BNC2: variants seen among roughly 807,000 people sequenced by gnomAD.
BNC2 encodes zinc finger protein basonuclin-2.
In BNC2, 20 loss-of-function variants were observed where a neutral mutation model predicts 76.3. The ratio of observed to expected loss-of-function variants is 0.26; its 90% CI spans 0.18 to 0.38. The LOEUF is 0.38. BNC2 is among the 10% of genes least tolerant of loss of function. The probability of loss-of-function intolerance (pLI) is 1.00; values close to 1 mark genes in which losing one functional copy is unlikely to be tolerated. For synonymous variants in BNC2, 582 were observed against 514.8 expected (o/e 1.13, Z -1.77); for missense variants, 1,382 against 1,399.8 (o/e 0.99, Z 0.20).
intron 6 of BNC2, among the ~76,000 whole-genome samples, chr9:16,427,791 C>A (rs982107733): frequency 6.6e-6 from 1 of 152,172 alleles, no homozygotes; most frequent in Non-Finnish European, 1.5e-5. Context: ...TAAACAGCAT[C>A]TTTACCTACC....
In BNC2 at chr9:16,539,735, AAAGGGAAGGGAAGGG is replaced by A. The variant is rs1280214347; in HGVS notation, c.669+12780_669+12794del. Among the ~76,000 whole-genome samples the A allele has an allele frequency of 6.2e-3, 659 of 105,900 alleles. 40 individuals carry two copies. The highest frequency in any genetic ancestry group is 0.024 in the African/African-American group (629 of 26,354). 69.5% of individuals were successfully genotyped at this position (105,900 alleles called of 152,430 possible). On this transcript the variant is annotated intron_variant, in intron 5 of 6. Transcript: ENST00000380672. Reference sequence around the variant, plus strand: ...GGAAGGAAGGGGAAGGAAAAGAGGGAAAGGGAAGGGAAGGGAAGGAAAGGAAAGGAAAAGAAAGGA... The same window carrying A: ...GGAAGGAAGGGGAAGGAAAAGAGGGAAAGGAAAGGAAAGGAAAAGAAAGGA...
chr9:16,761,944 T>C (rs1191182749), intron 1 of BNC2, among the ~76,000 whole-genome samples: 1 of 152,124 alleles, frequency 6.6e-6, no homozygotes, highest in African/African-American at 2.4e-5. Context: ...AAGTAAAATT[T>C]ATCATGATAC....
chr9:16,660,900 A>T (rs1053048596), intron 3 of BNC2, among the ~76,000 whole-genome samples: 2 of 152,188 alleles, frequency 1.3e-5, no homozygotes, highest in Non-Finnish European at 2.9e-5. Flanking sequence ...ATGGACATAG[A>T]TTATATGCAT....
intron 5 of BNC2, among the ~76,000 whole-genome samples, chr9:16,507,040 C>T (rs576600996): frequency 2.0e-5 from 3 of 152,132 alleles, no homozygotes; most frequent in African/African-American, 4.8e-5. Flanking sequence ...AGGCATGAGC[C>T]ACCAAGCCCA....
At chr9:16,682,548 C>T (rs1421900636) in intron 3 of BNC2, among the ~76,000 whole-genome samples, 2 of 152,044 alleles carry the variant, frequency 1.3e-5, no homozygotes, top group Non-Finnish European at 2.9e-5. Flanking sequence ...AGAGCAGCCA[C>T]AGTTGTTCAT....
intron 5 of BNC2, among the ~76,000 whole-genome samples, chr9:16,480,249 A>G (rs1045581204): frequency 1.9e-4 from 29 of 152,232 alleles, no homozygotes; most frequent in Non-Finnish European, 3.8e-4. Flanking sequence ...TTCTCAGTAC[A>G]CTGCACAGCC....
chr9:16,607,890 G>T (rs373147820), intron 3 of BNC2, among the ~76,000 whole-genome samples: 2 of 152,238 alleles, frequency 1.3e-5, no homozygotes, highest in East Asian at 1.9e-4. Context: ...AAACATTAAT[G>T]TGTGAACACA....
At chr9:16,840,119 C>G (rs1343336461) in intron 1 of BNC2, among the ~76,000 whole-genome samples, 1 of 150,922 alleles carries the variant, frequency 6.6e-6, no homozygotes, top group African/African-American at 2.4e-5. Context: ...AAAGAAGTTA[C>G]AAAGATCAAA....
chr9:16,557,554 A>C (rs148104438), intron 4 of BNC2, among the ~76,000 whole-genome samples: 3 of 152,248 alleles, frequency 2.0e-5, no homozygotes, highest in African/African-American at 7.2e-5. Flanking sequence ...CAGAAGTTGC[A>C]TATACAAAAT....
intron 1 of BNC2, among the ~76,000 whole-genome samples, chr9:16,801,911 A>G (rs1241075103): frequency 1.3e-5 from 2 of 152,294 alleles, no homozygotes; most frequent in South Asian, 2.1e-4. Flanking sequence ...TTATCATTAT[A>G]TAAGTAAAAC....
chr9:16,539,589 G>A (rs1388859537), intron 5 of BNC2, among the ~76,000 whole-genome samples: 32 of 86,482 alleles, frequency 3.7e-4, no homozygotes, highest in Non-Finnish European at 1.3e-4. Context: ...GAGAAGGGAG[G>A]GAGGGAGCGA....
intron 3 of BNC2, among the ~76,000 whole-genome samples, chr9:16,698,480 C>G (rs1264912439): frequency 6.6e-6 from 1 of 152,174 alleles, no homozygotes; most frequent in African/African-American, 2.4e-5. Flanking sequence ...CACCTGAGGT[C>G]AGGAGTTAGA....
intron 5 of BNC2, among the ~76,000 whole-genome samples, chr9:16,442,294 A>G (rs1821144386): frequency 6.6e-6 from 1 of 152,236 alleles, no homozygotes; most frequent in Non-Finnish European, 1.5e-5. Context: ...AAAGTATAAA[A>G]GACTTAAAAT....
rs573694822 is a variant in BNC2 at position 16,676,822 on chromosome 9, GT to G, written c.330+50974del. 7.2e-5 allele frequency among the ~76,000 whole-genome samples: 11 copies of G among 152,254 alleles called. No individual in the cohort carries two copies. The South Asian group carries it at 1.5e-3, about 20-fold the overall frequency. On this transcript the variant is annotated intron_variant, in intron 3 of 6. Transcript: ENST00000380672. ...GAAAAAAAAAGCAAGTTCATGAACTGTTTTTTTCCCTGTAAATATTCACTAA... is the reference window on the plus strand; with the variant it reads ...GAAAAAAAAAGCAAGTTCATGAACTGTTTTTTCCCTGTAAATATTCACTAA...
chr9:16,800,943 T>C (rs1817765320), intron 1 of BNC2, among the ~76,000 whole-genome samples: 1 of 152,126 alleles, frequency 6.6e-6, no homozygotes, highest in Admixed American at 6.5e-5. Context: ...AAGGGAAAAA[T>C]AATAACCAAA....
intron 5 of BNC2, among the ~76,000 whole-genome samples, chr9:16,455,513 G>A (rs745619025): frequency 5.9e-5 from 9 of 152,220 alleles, no homozygotes; most frequent in South Asian, 4.1e-4. Flanking sequence ...AATATTGGCC[G>A]GGCGTGATGG....
chr9:16,599,905 T>G (rs1046724378), intron 3 of BNC2, among the ~76,000 whole-genome samples: 2 of 152,218 alleles, frequency 1.3e-5, no homozygotes, highest in Non-Finnish European at 1.5e-5. Context: ...ACAAGCACCA[T>G]AGGACAAGCC....
intron 5 of BNC2, among the ~76,000 whole-genome samples, chr9:16,511,253 G>T (rs1822747701): frequency 6.6e-6 from 1 of 151,164 alleles, no homozygotes; most frequent in African/African-American, 2.4e-5. Flanking sequence ...GAGACTACAG[G>T]CACCTGACAC....
At chr9:16,510,111 C>T (rs534176615) in intron 5 of BNC2, among the ~76,000 whole-genome samples, 21 of 152,322 alleles carry the variant, frequency 1.4e-4, no homozygotes, top group Non-Finnish European at 1.8e-4. Flanking sequence ...CACATTGCCA[C>T]GGTCAGGGAG....
Sources: allele counts gnomAD v4.1 joint callset (sites outside exome capture counted in the v4.1 genomes callset), GRCh38; gene constraint gnomAD v4.1.1; transcripts MANE v1.5; gene names NCBI Gene and HGNC (gene_info 2026-07-23, HGNC 2026-07-21).